G3BP2: variants seen among roughly 807,000 people sequenced by gnomAD.
G3BP2 encodes G3BP stress granule assembly factor 2, also known as ras GTPase-activating protein-binding protein 2.
Under a neutral mutation model 56.7 loss-of-function variants are expected in G3BP2, and 11 were observed. The observed-to-expected ratio is 0.19, with a 90% CI of 0.12 to 0.32. G3BP2 has a LOEUF of 0.32. Among genes scored for constraint, G3BP2 ranks in the 10% least tolerant of loss-of-function variants. The pLI is 1.00. For synonymous variants in G3BP2, 165 were observed against 191.6 expected (o/e 0.86, Z 1.15); for missense variants, 340 against 610.9 (o/e 0.56, Z 4.67).
rs115228108 is a variant in G3BP2 at position 75,650,893 on chromosome 4, C to A, written c.826-2152G>T. 6.9e-3 allele frequency among the ~76,000 whole-genome samples: 1,049 copies of A among 152,252 alleles called. 9 individuals carry two copies. Among genetic ancestry groups the A allele is most frequent in the African/African-American group, 0.024 (978 of 41,532 alleles). On this transcript the variant is annotated intron_variant, in intron 8 of 11. Coordinates refer to ENST00000359707, the MANE Select transcript of G3BP2 (RefSeq NM_203505.3). ...TATCTTAACTTACTTTTACATCACC[C>A]AAAGAACCAAGCACAGTGCTATTAG...
intron 3 of G3BP2, among the ~76,000 whole-genome samples, chr4:75,694,299 G>A (rs571939037): frequency 3.3e-5 from 5 of 152,202 alleles, no homozygotes; most frequent in East Asian, 1.9e-4. Flanking sequence ...TGATCAGGAC[G>A]AGTGTTTAAA....
At position 75,661,800 on chromosome 4, in the gene G3BP2, T is replaced by C. The variant is rs1732586223; in HGVS notation, c.95+131A>G. ...ACTTTTTGCCATCAAATGAATAAAA[T>C]ATTGAATACAGTTTAGACATGTTTA... On this transcript the variant is annotated intron_variant, in intron 2 of 11. Coordinates refer to ENST00000359707, the MANE Select transcript of G3BP2 (RefSeq NM_203505.3). 1.2e-5 allele frequency: 7 copies of C among 570,342 alleles called. No homozygotes were observed. The South Asian group carries it at 1.8e-4, about 15-fold the overall frequency. The allele number at this position is 570,342 out of a possible 1,614,324, so 35.3% of individuals were successfully genotyped here. A position where few individuals can be genotyped will look rare whatever the true frequency, so the allele number is the denominator to read the frequency against.
chr4:75,697,192 T>C (rs1719151129), intron 3 of G3BP2, among the ~76,000 whole-genome samples: 1 of 141,814 alleles, frequency 7.1e-6, no homozygotes, highest in Non-Finnish European at 1.5e-5. Flanking sequence ...GAGAATGGCG[T>C]GAACCCAGGA....
chr4:75,711,331 A>T (rs1193120175), intron 3 of G3BP2, among the ~76,000 whole-genome samples: 1 of 151,918 alleles, frequency 6.6e-6, no homozygotes, highest in Non-Finnish European at 1.5e-5. Context: ...AGAAAAAAAA[A>T]AAAAAAGACT....
intron 3 of G3BP2, among the ~76,000 whole-genome samples, chr4:75,705,745 G>C (rs1719521225): frequency 6.6e-6 from 1 of 152,160 alleles, no homozygotes; most frequent in Non-Finnish European, 1.5e-5. Flanking sequence ...GCCTTAAAAA[G>C]AACGGGTAGG....
At chr4:75,690,078 TA>T (rs1718787457) in intron 3 of G3BP2, among the ~76,000 whole-genome samples, 1 of 152,068 alleles carries the variant, frequency 6.6e-6, no homozygotes, top group Non-Finnish European at 1.5e-5. Context: ...TCAGGAAAAG[TA>T]AAAAATTAAA....
At chr4:75,721,547 G>A (rs538266278) in intron 2 of G3BP2, among the ~76,000 whole-genome samples, 14 of 152,100 alleles carry the variant, frequency 9.2e-5, no homozygotes, top group Non-Finnish European at 1.6e-4. Context: ...CATGAGCTAC[G>A]TCTTTAAAAA....
At chr4:75,711,487 CG>C (rs1485511703) in intron 3 of G3BP2, among the ~76,000 whole-genome samples, 1 of 151,784 alleles carries the variant, frequency 6.6e-6, no homozygotes, top group Non-Finnish European at 1.5e-5. Context: ...CCAAGGTGGG[CG>C]GATCACCTGA....
intron 1 of G3BP2, among the ~76,000 whole-genome samples, chr4:75,670,957 C>T (rs1733434153): frequency 6.6e-6 from 1 of 152,180 alleles, no homozygotes; most frequent in East Asian, 1.9e-4. Context: ...TACAGCAGGA[C>T]AGCAACAGAA....
At chr4:75,716,593 G>A (rs987365247) in intron 3 of G3BP2, among the ~76,000 whole-genome samples, 21 of 151,984 alleles carry the variant, frequency 1.4e-4, no homozygotes, top group Admixed American at 1.1e-3. Flanking sequence ...TCGGCTCACC[G>A]CAACCTCCGC....
chr4:75,653,835 C>T, intron 8 of G3BP2, 148 bp downstream of exon 8: 1 of 525,524 alleles, frequency 1.9e-6, no homozygotes. Context: ...GGAGATTTGA[C>T]ATTTAAAGTG....
intron 3 of G3BP2, among the ~76,000 whole-genome samples, chr4:75,700,076 G>A (rs13118426): frequency 0.88 from 133,245 of 152,108 alleles, 58,381 homozygotes; most frequent in East Asian, 0.91. Flanking sequence ...TTTTTTTGAG[G>A]CAGAGTCTCG....
At chr4:75,707,526 C>T (rs1719597556) in intron 3 of G3BP2, among the ~76,000 whole-genome samples, 1 of 146,468 alleles carries the variant, frequency 6.8e-6, no homozygotes, top group Admixed American at 7.1e-5. Context: ...AGGAGAATGG[C>T]GTGAACCTGG....
chr4:75,704,762 A>G (rs1368674906), intron 3 of G3BP2, among the ~76,000 whole-genome samples: 2 of 152,026 alleles, frequency 1.3e-5, no homozygotes, highest in Non-Finnish European at 2.9e-5. Context: ...CCTCCCAAAT[A>G]GCTGGGATTA....
At chr4:75,690,926 A>G (rs1016275056) in intron 3 of G3BP2, among the ~76,000 whole-genome samples, 3 of 152,040 alleles carry the variant, frequency 2.0e-5, no homozygotes, top group African/African-American at 7.2e-5. Flanking sequence ...ATAGTATAAA[A>G]ACCATTGAAC....
chr4:75,722,727 C>T (rs1013251571), intron 1 of G3BP2, among the ~76,000 whole-genome samples: 11 of 152,124 alleles, frequency 7.2e-5, no homozygotes, highest in Admixed American at 5.9e-4. Context: ...CAATGCTTAG[C>T]GCACAGTATT....
chr4:75,711,216 G>A (rs1411131802), intron 3 of G3BP2, among the ~76,000 whole-genome samples: 2 of 151,768 alleles, frequency 1.3e-5, no homozygotes, highest in South Asian at 2.1e-4. Flanking sequence ...CTACTTGGGA[G>A]GCTGAGGTGG....
At chr4:75,656,415 A>C (rs1267937540) in intron 5 of G3BP2, among the ~76,000 whole-genome samples, 6 of 152,196 alleles carry the variant, frequency 3.9e-5, no homozygotes, top group Non-Finnish European at 1.5e-5. Context: ...CAAATCTTTC[A>C]GTAAAAGGAA....
Position 75,644,389 on chromosome 4 carries a change from T to C in G3BP2, c.*1041A>G, listed in dbSNP as rs1731069936. The C allele has an allele frequency of 6.6e-6, 1 of 152,590 alleles. No individual in the cohort carries two copies. The highest frequency in any genetic ancestry group is 1.5e-5 in the Non-Finnish European group (1 of 68,028). The allele number at this position is 152,590 out of a possible 1,614,324, so 9.5% of individuals were successfully genotyped here. ...ACAAGATAAATAATATGCTAGTCCA[T>C]TTTACTGATTTTAAAGATACTGCAA... On this transcript the variant is annotated 3_prime_UTR_variant, in exon 12 of 12. Coordinates refer to ENST00000359707, the MANE Select transcript of G3BP2 (RefSeq NM_203505.3).
Sources: gnomAD v4.1 joint callset for allele counts (sites outside exome capture counted in the v4.1 genomes callset) on GRCh38, gnomAD v4.1.1 for gene constraint, MANE v1.5 for transcripts, NCBI Gene and HGNC (gene_info 2026-07-23, HGNC 2026-07-21) for gene names.